The following SPO11 variants were observed in gnomAD, a reference collection of about 807,000 sequenced individuals.
SPO11 encodes the protein meiotic recombination protein SPO11.
In SPO11, 49 loss-of-function variants were observed where a neutral mutation model predicts 51.6. That is an observed-to-expected ratio of 0.95 (90% confidence interval 0.75 to 1.20). The LOEUF (loss-of-function observed/expected upper bound fraction) is 1.20, where lower values mean the gene tolerates loss of function less well. Among genes scored for constraint, SPO11 ranks in the 50% most tolerant of loss-of-function variants. The pLI is 0.00. For missense variants in SPO11, 431 were observed against 473.4 expected (o/e 0.91, Z 0.83); for synonymous variants, 176 against 158.2 (o/e 1.11, Z -0.84).
rs759552686 is a variant in SPO11, at chr20:57,342,859, C to T, written c.1071+19C>T. The T allele has an allele frequency of 1.2e-5, 18 of 1,532,410 alleles. No homozygotes were observed. Among genetic ancestry groups the T allele is most frequent in the Admixed American group, 6.8e-5 (4 of 58,474 alleles). The allele number at this position is 1,532,410 out of a possible 1,614,324, so 94.9% of individuals were successfully genotyped here. On this transcript the variant is annotated intron_variant, in intron 12 of 12. Transcript: ENST00000371263. ...AAAAGAAGTATGTTTCCTTTTACAA[C>T]TCAAGTGTTGCATGTTTAATTGTCT...
In SPO11 at chr20:57,329,841, T is replaced by G. The variant is rs765112555; in HGVS notation, c.-27T>G. 2.3e-5 allele frequency: 37 copies of G among 1,602,008 alleles called. No homozygotes were observed. In the Middle Eastern group the frequency reaches 6.6e-4, roughly 29 times the overall value. On this transcript the variant is annotated 5_prime_UTR_variant, in exon 1 of 13. Coordinates refer to ENST00000371263, the MANE Select transcript of SPO11 (RefSeq NM_012444.3). ...GGGCGCAGCCTAGGACAGGGGCTTC[T>G]GGAGCTTCTGGCAGCCGTCTGCCCT...
chr20:57,342,681 G>T lies in SPO11; in HGVS notation c.960-48G>T, dbSNP rs753773211. The T allele has an allele frequency of 1.8e-4, 225 of 1,233,638 alleles. 1 individual carries two copies. Among genetic ancestry groups the T allele is most frequent in the Non-Finnish European group, 2.3e-4 (195 of 845,442 alleles). The allele number at this position is 1,233,638 out of a possible 1,614,324, so 76.4% of individuals were successfully genotyped here. ...TACAGGCAAAATACAGGACATTCAAGTTACAGAAACACTTTTTTACTGATT... is the reference window on the plus strand; with the variant it reads ...TACAGGCAAAATACAGGACATTCAATTTACAGAAACACTTTTTTACTGATT... On this transcript the variant is annotated intron_variant, in intron 11 of 12. Coordinates refer to ENST00000371263, the MANE Select transcript of SPO11 (RefSeq NM_012444.3).
In SPO11 at chr20:57,343,597, TA is replaced by T. The variant is rs987257761; in HGVS notation, c.*138del. ...AAATAAAATAACTTTCCGTTAATTA[TA>T]TATTTTTGTCAAAACAAATGCTGTA... is the stretch of plus-strand genomic sequence containing the variant. On this transcript the variant is annotated 3_prime_UTR_variant, in exon 13 of 13. Coordinates refer to ENST00000371263, the MANE Select transcript of SPO11 (RefSeq NM_012444.3). 2.1e-5 allele frequency: 22 copies of T among 1,061,658 alleles called. No individual in the cohort carries two copies. The highest frequency in any genetic ancestry group is 2.8e-5 in the Non-Finnish European group (22 of 780,146). 65.8% of individuals were successfully genotyped at this position (1,061,658 alleles called of 1,614,324 possible). A position where few individuals can be genotyped will look rare whatever the true frequency, so the allele number is the denominator to read the frequency against.
chr20:57,340,458 C>A (rs1157053779), intron 11 of SPO11, among the ~76,000 whole-genome samples: 1 of 152,148 alleles, frequency 6.6e-6, no homozygotes, highest in Non-Finnish European at 1.5e-5. Flanking sequence ...ACTTTTTATA[C>A]TTAAAAGTAC....
At chr20:57,334,272 A>T (rs1049487784) in intron 5 of SPO11, among the ~76,000 whole-genome samples, 177 bp downstream of exon 5, 8 of 151,008 alleles carry the variant, frequency 5.3e-5, no homozygotes, top group African/African-American at 1.7e-4. Context: ...CTCCTGCCTC[A>T]GCCTCCCGAG....
At chr20:57,335,395 A>T in intron 6 of SPO11, 24 bp from the exon 7 acceptor site, 3 of 1,594,664 alleles carry the variant, frequency 1.9e-6, no homozygotes, top group Non-Finnish European at 8.5e-7. Context: ...TTTTTATGTA[A>T]GATAAAAACT....
At chr20:57,339,648 T>A (rs1284618992) in intron 10 of SPO11, among the ~76,000 whole-genome samples, 1 of 152,196 alleles carries the variant, frequency 6.6e-6, no homozygotes, top group African/African-American at 2.4e-5. Flanking sequence ...AGATGGGGAA[T>A]CATGAACAAT....
rs145784599 is a variant in SPO11 at position 57,338,179 on chromosome 20, C to G, written c.745-97C>G. The G allele has an allele frequency of 3.2e-3, 2,972 of 924,658 alleles. 27 individuals carry two copies. Among genetic ancestry groups the G allele is most frequent in the East Asian group, 0.015 (567 of 37,518 alleles). 57.3% of individuals were successfully genotyped at this position (924,658 alleles called of 1,614,324 possible). On this transcript the variant is annotated intron_variant, in intron 8 of 12. Transcript: ENST00000371263. ...GTGCTGGGATTACAGGCGTGAACCA[C>G]TGCGTCCAGCCTAACTTTTAAATTA...
In SPO11 at chr20:57,335,910, A is replaced by G. The variant is rs768091468; in HGVS notation, c.744+3A>G. The G allele has an allele frequency of 6.5e-6, 10 of 1,546,960 alleles. No homozygotes were observed. Among genetic ancestry groups the G allele is most frequent in the South Asian group, 1.1e-5 (1 of 89,112 alleles). ...TGTCTCCTTGCATCATGATTACGGT[A>G]TATTATCTAACTTTACTACAATTCC... On this transcript the variant is annotated splice_donor_region_variant and intron_variant, in intron 8 of 12. Coordinates refer to ENST00000371263, the MANE Select transcript of SPO11 (RefSeq NM_012444.3).
rs2066420743 is a variant in SPO11 at position 57,329,862 on chromosome 20, G to A, written c.-6G>A. 6.8e-6 allele frequency: 11 copies of A among 1,611,244 alleles called. No homozygotes were observed. The highest frequency in any genetic ancestry group is 2.7e-5 in the African/African-American group (2 of 74,878). ...CTTCTGGAGCTTCTGGCAGCCGTCTGCCCTCATGGCCTTTGCACCTATGGG... is the reference window on the plus strand; with the variant it reads ...CTTCTGGAGCTTCTGGCAGCCGTCTACCCTCATGGCCTTTGCACCTATGGG... On this transcript the variant is annotated 5_prime_UTR_variant, in exon 1 of 13. Coordinates refer to ENST00000371263, the MANE Select transcript of SPO11 (RefSeq NM_012444.3).
chr20:57,330,092 A>G, intron 1 of SPO11, 94 bp downstream of exon 1: 1 of 1,437,896 alleles, frequency 7.0e-7, no homozygotes, highest in Middle Eastern at 2.5e-4. Context: ...GTTGAGGCTG[A>G]GGAGGCACCC....
chr20:57,335,664 G>A (rs1198714135), intron 7 of SPO11, 134 bp from the exon 8 acceptor site: 2 of 691,904 alleles, frequency 2.9e-6, no homozygotes, highest in African/African-American at 1.8e-5. Context: ...GAATAGATGT[G>A]TTTATATGTT....
At chr20:57,330,150 C>T (rs1600673891) in intron 1 of SPO11, 152 bp downstream of exon 1, 5 of 1,162,132 alleles carry the variant, frequency 4.3e-6, no homozygotes, top group South Asian at 1.7e-5. Context: ...CCTGAGTACC[C>T]GTGACCTGCT....
In SPO11 at chr20:57,333,254, A is replaced by G; in HGVS notation, c.312A>G (p.Ser104=). ...HCTTRKIKSD[S]PKSAQKFSLI... ...CCACCAGAAAGATCAAAAGTGATTCACCAAAATCAGCTCAAAAATTTTGTA... is the reference window on the plus strand; with the variant it reads ...CCACCAGAAAGATCAAAAGTGATTCGCCAAAATCAGCTCAAAAATTTTGTA... The change falls in exon 3 of 13, where the codon TCA becomes TCG. Residue 104 remains serine (S), a synonymous_variant. Transcript: ENST00000371263. The G allele has an allele frequency of 6.2e-7, 1 of 1,607,940 alleles. No individual in the cohort carries two copies. The highest frequency in any genetic ancestry group is 8.5e-7 in the Non-Finnish European group (1 of 1,178,476).
chr20:57,335,741 A>G (rs2066504894), intron 7 of SPO11, 57 bp from the exon 8 acceptor site: 2 of 1,067,052 alleles, frequency 1.9e-6, no homozygotes. Flanking sequence ...ACCTTAATTT[A>G]GTTGGTGATT....
Position 57,329,994 on chromosome 20 carries a change from T to G in SPO11, c.127T>G (p.Ser43Ala). ...CCCAACTGGGGGAAGCCGCCTGGCC[T>G]CCAGGTACAGGAGCTGGTGCCGAGG... ...EPPTGGSRLA[S>A]SSEVLASIEN... Residue 43 changes from serine (S) to alanine (A), a missense_variant, in exon 1 of 13, where the codon TCC (serine) becomes GCC (alanine). Transcript: ENST00000371263. 1 of 1,597,170 alleles carries G rather than the reference T, an allele frequency of 6.3e-7. No individual in the cohort carries two copies. The highest frequency in any genetic ancestry group is 8.5e-7 in the Non-Finnish European group (1 of 1,173,732).
At chr20:57,331,442 A>G (rs779446960) in intron 1 of SPO11, among the ~76,000 whole-genome samples, 6 of 152,224 alleles carry the variant, frequency 3.9e-5, no homozygotes, top group Admixed American at 1.3e-4. Flanking sequence ...ATTAAAACAT[A>G]TATCAGTAGT....
intron 2 of SPO11, among the ~76,000 whole-genome samples, 195 bp from the exon 3 acceptor site, chr20:57,332,993 A>G (rs558632954): frequency 2.6e-5 from 4 of 152,336 alleles, no homozygotes; most frequent in African/African-American, 7.2e-5. Flanking sequence ...GTGCCTCTGT[A>G]TGTCACAAAC....
rs367953716 is a variant in SPO11, at chr20:57,330,383, G to A, written c.131+385G>A. ...TGGTTAAACTTTAAGGGTTTTTTTT[G>A]GTTTTTATTTTTTGGTTTTTTTTTA... is the stretch of plus-strand genomic sequence containing the variant. On this transcript the variant is annotated intron_variant, in intron 1 of 12. Transcript: ENST00000371263. 7.9e-5 allele frequency among the ~76,000 whole-genome samples: 12 copies of A among 151,648 alleles called. No individual in the cohort carries two copies. In the East Asian group the frequency reaches 2.3e-3, roughly 29 times the overall value.
Sources: allele counts gnomAD v4.1 joint callset (sites outside exome capture counted in the v4.1 genomes callset), GRCh38; gene constraint gnomAD v4.1.1; transcripts MANE v1.5; gene names NCBI Gene and HGNC (gene_info 2026-07-23, HGNC 2026-07-21).